NOVA1: variants seen among roughly 807,000 people sequenced by gnomAD.
NOVA1 encodes the protein NOVA alternative splicing regulator 1.
Under a neutral mutation model 38.0 loss-of-function variants are expected in NOVA1, and 7 were observed. The ratio of observed to expected loss-of-function variants is 0.18; its 90% confidence interval spans 0.10 to 0.35. The LOEUF (loss-of-function observed/expected upper bound fraction) is 0.35. Ranked by LOEUF, NOVA1 falls within the 10% of genes least tolerant of loss-of-function variation. The pLI is 1.00. For synonymous variants in NOVA1, 270 were observed against 232.5 expected (o/e 1.16, Z -1.47); for missense variants, 460 against 616.0 (o/e 0.75, Z 2.68).
intron 2 of NOVA1, among the ~76,000 whole-genome samples, chr14:26,493,357 T>C (rs1244271803): frequency 1.3e-5 from 2 of 152,226 alleles, no homozygotes; most frequent in African/African-American, 2.4e-5. Context: ...TCTCAGAATA[T>C]TACAGATCTA....
intron 2 of NOVA1, chr14:26,593,225 A>G (rs1893968691): frequency 6.6e-6 from 1 of 151,860 alleles, no homozygotes; most frequent in African/African-American, 2.4e-5. Context: ...GTACAAGGTA[A>G]GTGTCCCTTA....
At chr14:26,596,691 C>G (rs1276923146) in intron 1 of NOVA1, 5 of 1,288,334 alleles carry the variant, frequency 3.9e-6, no homozygotes, top group African/African-American at 1.5e-5. Context: ...AACAAGTCAC[C>G]GTTCCAGACA....
chr14:26,463,351 GA>G (rs1356576049), intron 4 of NOVA1, among the ~76,000 whole-genome samples: 1 of 152,092 alleles, frequency 6.6e-6, no homozygotes, highest in Non-Finnish European at 1.5e-5. Flanking sequence ...CACACGTCTT[GA>G]ATTTCTGATA....
rs542603782 is a variant in NOVA1, at chr14:26,544,704, GA to G, written c.280+50705del. ...GGAATGAAAGAATGAGAGAGAGAAA[GA>G]AAAAAATTGAGAAGAAAAAAAGCAA... On this transcript the variant is annotated intron_variant, in intron 2 of 4. Coordinates refer to ENST00000539517, the MANE Select transcript of NOVA1 (RefSeq NM_002515.3). Among the ~76,000 whole-genome samples, 141 of 151,668 alleles carry G rather than the reference GA, an allele frequency of 9.3e-4. 1 individual carries two copies. Among genetic ancestry groups the G allele is most frequent in the African/African-American group, 3.3e-3 (137 of 41,384 alleles).
chr14:26,570,882 CTTTG>C (rs1322921558), intron 2 of NOVA1, among the ~76,000 whole-genome samples: 3 of 151,982 alleles, frequency 2.0e-5, no homozygotes, highest in African/African-American at 7.3e-5. Context: ...TTATATTTCC[CTTTG>C]TTTAATTTTC....
intron 2 of NOVA1, among the ~76,000 whole-genome samples, chr14:26,532,050 G>C (rs940505405): frequency 6.6e-6 from 1 of 152,124 alleles, no homozygotes; most frequent in African/African-American, 2.4e-5. Flanking sequence ...ACACCACAAA[G>C]TACAGTCATG....
Position 26,448,207 on chromosome 14 carries a change from T to A in NOVA1, c.1276A>T (p.Ile426Leu). 1 of 1,614,248 alleles carries A rather than the reference T, an allele frequency of 6.2e-7. No homozygotes were observed. The highest frequency in any genetic ancestry group is 8.5e-7 in the Non-Finnish European group (1 of 1,180,048). Residue 426 changes from isoleucine to leucine, a missense_variant, in exon 5 of 5, where the codon ATA (isoleucine) becomes TTA (leucine). Physicochemically the swap from Ile to Leu is conservative, Grantham distance 5. Transcript: ENST00000539517. This position sits in a 1 kb window ranked among gnomAD's most constrained non-coding sequence, Gnocchi z 5.3. ...STDGSKDVVEIAVPENLVGAI... is the reference protein window; with the variant it reads ...STDGSKDVVELAVPENLVGAI... ...CCAACTAAGTTTTCTGGCACTGCTA[T>A]TTCAACTACATCCTTGGATCCATCT... is the stretch of plus-strand genomic sequence containing the variant.
Position 26,447,981 on chromosome 14 carries a change from G to A in NOVA1, c.1502C>T (p.Ala501Val), listed in dbSNP as rs1374462000. The A allele has an allele frequency of 1.2e-6, 2 of 1,613,976 alleles. No homozygotes were observed. The highest frequency in any genetic ancestry group is 2.7e-5 in the African/African-American group (2 of 75,050). Residue 501 changes from alanine (A) to valine (V), a missense_variant, in exon 5 of 5, where the codon GCC becomes GTC. Transcript: ENST00000539517. ...CACTCAACCCACTTTCTGAGGATTG[G>A]CAGCCCGAACTCCTTGCTCATATGT... Reference protein sequence around the residue: ...RITYEQGVRAANPQKVG With the variant: ...RITYEQGVRAVNPQKVG
At chr14:26,484,977 T>G (rs1291810426) in intron 2 of NOVA1, among the ~76,000 whole-genome samples, 1 of 150,350 alleles carries the variant, frequency 6.7e-6, no homozygotes, top group Non-Finnish European at 1.5e-5. Context: ...CCTGCCTTCA[T>G]GGAGCTCATA....
chr14:26,465,163 A>G (rs1384264565), intron 4 of NOVA1, among the ~76,000 whole-genome samples: 1 of 152,114 alleles, frequency 6.6e-6, no homozygotes, highest in African/African-American at 2.4e-5. Context: ...ACATATGCTG[A>G]AAGAAATACA....
intron 3 of NOVA1, among the ~76,000 whole-genome samples, chr14:26,475,337 C>T (rs537906677): frequency 6.6e-6 from 1 of 152,110 alleles, no homozygotes; most frequent in Non-Finnish European, 1.5e-5. Flanking sequence ...TGGCCTGTTG[C>T]CTTAACATTT....
intron 2 of NOVA1, among the ~76,000 whole-genome samples, chr14:26,491,637 G>A (rs1043524821): frequency 1.3e-5 from 2 of 152,080 alleles, no homozygotes; most frequent in South Asian, 2.1e-4. Flanking sequence ...TATGATATGA[G>A]GAGGGTTCTA....
intron 2 of NOVA1, among the ~76,000 whole-genome samples, chr14:26,550,309 T>A (rs960949998): frequency 2.0e-5 from 3 of 152,164 alleles, no homozygotes; most frequent in African/African-American, 7.2e-5. Flanking sequence ...AAGGGATTTT[T>A]AAAAAGTTAT....
intron 2 of NOVA1, among the ~76,000 whole-genome samples, chr14:26,506,658 C>A (rs1399831674): frequency 6.6e-6 from 1 of 152,094 alleles, no homozygotes; most frequent in African/African-American, 2.4e-5. Flanking sequence ...CGGCTCACTG[C>A]AACCTCTGCC....
rs1454075943 is a variant in NOVA1, at chr14:26,445,115, G to A, written c.*2844C>T. On this transcript the variant is annotated 3_prime_UTR_variant, in exon 5 of 5. Transcript: ENST00000539517. ...AGAACTGAGGTAATTCGTATTCAGC[G>A]TGTTCACCAGCCTCCCTATAGCAAA... The A allele has an allele frequency of 1.3e-5, 2 of 152,180 alleles. No individual in the cohort carries two copies. The highest frequency in any genetic ancestry group is 4.8e-5 in the African/African-American group (2 of 41,440). The allele number at this position is 152,180 out of a possible 1,614,324, so 9.4% of individuals were successfully genotyped here.
chr14:26,565,991 C>A (rs1266789703), intron 2 of NOVA1, among the ~76,000 whole-genome samples: 1 of 151,884 alleles, frequency 6.6e-6, no homozygotes, highest in Non-Finnish European at 1.5e-5. Context: ...GAAAGATAGG[C>A]AGGAGTATGT....
intron 4 of NOVA1, among the ~76,000 whole-genome samples, chr14:26,454,971 TC>T (rs1308481839): frequency 3.3e-5 from 5 of 152,266 alleles, no homozygotes; most frequent in African/African-American, 1.2e-4. Flanking sequence ...AAAAATGGTA[TC>T]CTTTCGATTA....
At chr14:26,496,114 C>T (rs1443541634) in intron 2 of NOVA1, among the ~76,000 whole-genome samples, 2 of 148,428 alleles carry the variant, frequency 1.3e-5, no homozygotes, top group East Asian at 2.0e-4. Context: ...GTCCCACCAA[C>T]AGTGTCAAAG....
intron 4 of NOVA1, among the ~76,000 whole-genome samples, chr14:26,455,192 A>G (rs961666011): frequency 6.6e-6 from 1 of 152,096 alleles, no homozygotes; most frequent in African/African-American, 2.4e-5. Flanking sequence ...ATACCATGCC[A>G]CCTTGTCTCA....
Sources: allele counts gnomAD v4.1 joint callset (sites outside exome capture counted in the v4.1 genomes callset), GRCh38; gene constraint gnomAD v4.1.1; non-coding constraint Gnocchi (gnomAD v3.1); transcripts MANE v1.5; gene names NCBI Gene and HGNC (gene_info 2026-07-23, HGNC 2026-07-21).